EHBP1: variants seen among roughly 807,000 people sequenced by gnomAD.
The protein encoded by EHBP1 is EH domain binding protein 1.
A neutral mutation model predicts 144.0 loss-of-function variants in EHBP1; 55 were observed. That is an observed-to-expected ratio of 0.38 (90% CI 0.31 to 0.48). EHBP1 has a LOEUF of 0.48. Ranked by LOEUF, EHBP1 falls within the 20% of genes least tolerant of loss-of-function variation. EHBP1 has a pLI of 0.98. For missense variants in EHBP1, 1,200 were observed against 1,364.2 expected (o/e 0.88, Z 1.90); for synonymous variants, 469 against 472.7 (o/e 0.99, Z 0.10).
chr2:62,685,057 A>G (rs1049255153), intron 1 of EHBP1, among the ~76,000 whole-genome samples: 5 of 152,168 alleles, frequency 3.3e-5, no homozygotes, highest in African/African-American at 9.7e-5. Flanking sequence ...AGGGTAAAGA[A>G]CTGTTAGATA....
upstream of EHBP1, among the ~76,000 whole-genome samples, chr2:62,701,831 A>G (rs2034289536): frequency 6.6e-6 from 1 of 152,252 alleles, no homozygotes; most frequent in Non-Finnish European, 1.5e-5. Flanking sequence ...TAAAAATTGC[A>G]GTAATATTGT....
chr2:62,890,084 C>T (rs767088727), intron 10 of EHBP1, among the ~76,000 whole-genome samples: 7 of 151,872 alleles, frequency 4.6e-5, no homozygotes, highest in Non-Finnish European at 8.8e-5. Flanking sequence ...CCTCAGCCTC[C>T]CGAGTAGCTG....
intron 1 of EHBP1, among the ~76,000 whole-genome samples, chr2:62,683,889 C>T (rs777583615): frequency 2.0e-5 from 3 of 151,974 alleles, no homozygotes; most frequent in Non-Finnish European, 2.9e-5. Flanking sequence ...TTTTATGAAC[C>T]GAAGCTTCAG....
At chr2:62,782,225 C>T (rs367946406) in intron 5 of EHBP1, among the ~76,000 whole-genome samples, 41 of 152,230 alleles carry the variant, frequency 2.7e-4, no homozygotes, top group Middle Eastern at 6.8e-3. Flanking sequence ...TTGAGGGATA[C>T]GCGTGTGAGA....
At chr2:62,911,396 A>T (rs1012935646) in intron 10 of EHBP1, among the ~76,000 whole-genome samples, 6 of 152,176 alleles carry the variant, frequency 3.9e-5, no homozygotes, top group African/African-American at 1.4e-4. Flanking sequence ...TCTGACCAAA[A>T]TAAGGCATTA....
At chr2:62,726,384 G>A (rs749430201) in intron 2 of EHBP1, among the ~76,000 whole-genome samples, 2 of 152,166 alleles carry the variant, frequency 1.3e-5, no homozygotes, top group Non-Finnish European at 2.9e-5. Flanking sequence ...ACTGGTGTGC[G>A]GTAGGTAGCC....
At chr2:62,839,208 A>G (rs557157261) in intron 7 of EHBP1, among the ~76,000 whole-genome samples, 155 of 152,194 alleles carry the variant, frequency 1.0e-3, no homozygotes, top group Non-Finnish European at 2.0e-3. Context: ...AATAAATGTA[A>G]TCCAGCATAT....
At chr2:62,752,343 A>T (rs540763698) in intron 3 of EHBP1, among the ~76,000 whole-genome samples, 1 of 152,312 alleles carries the variant, frequency 6.6e-6, no homozygotes, top group Non-Finnish European at 1.5e-5. Flanking sequence ...CTGTGGTCTG[A>T]GAGACTGTTT....
chr2:62,780,495 G>T (rs1384241230), intron 5 of EHBP1, among the ~76,000 whole-genome samples: 3 of 152,112 alleles, frequency 2.0e-5, no homozygotes, highest in South Asian at 2.1e-4. Context: ...TTCCCTTAAT[G>T]TTAAGTATTT....
At chr2:63,037,681 C>T in intron 20 of EHBP1, 47 bp downstream of exon 20, 1 of 1,118,672 alleles carries the variant, frequency 8.9e-7, no homozygotes, top group Non-Finnish European at 1.3e-6. Context: ...ATTGATAAAT[C>T]TTAGGCCTCT....
At chr2:63,033,600 T>C (rs2061347200) in intron 19 of EHBP1, among the ~76,000 whole-genome samples, 1 of 152,164 alleles carries the variant, frequency 6.6e-6, no homozygotes, top group African/African-American at 2.4e-5. Flanking sequence ...GGTGAAAGAT[T>C]AATTAGGAAA....
rs772349202 is a variant in EHBP1, at chr2:62,948,495, A to C, written c.1649A>C (p.Tyr550Ser). ...TNSSVDQEKF[Y>S]AELSDLKREP... ...AGTTCTGTTGATCAAGAAAAATTCT[A>C]TGCAGAGCTTAGTGATCTGAAGCGG... The change falls in exon 13 of 23, where the codon TAT (tyrosine) becomes TCT (serine). Residue 550 changes from tyrosine (Y) to serine (S), a missense_variant. Coordinates refer to ENST00000431489, the MANE Select transcript of EHBP1 (RefSeq NM_001142616.3). 2 of 1,613,824 alleles carry C rather than the reference A, an allele frequency of 1.2e-6. No homozygotes were observed. Among genetic ancestry groups the C allele is most frequent in the South Asian group, 2.2e-5 (2 of 91,070 alleles).
At chr2:62,945,398 T>A (rs2057002220) in intron 12 of EHBP1, among the ~76,000 whole-genome samples, 1 of 152,232 alleles carries the variant, frequency 6.6e-6, no homozygotes, top group African/African-American at 2.4e-5. Flanking sequence ...GTTTTTAACA[T>A]ACTTTAAATT....
intron 2 of EHBP1, among the ~76,000 whole-genome samples, chr2:62,724,936 T>C (rs1180137157): frequency 1.3e-5 from 2 of 152,126 alleles, no homozygotes; most frequent in Non-Finnish European, 2.9e-5. Context: ...TGTAGAAAAA[T>C]TGTCTTCCAT....
chr2:62,727,023 C>T (rs549094946), intron 2 of EHBP1, among the ~76,000 whole-genome samples: 11 of 152,164 alleles, frequency 7.2e-5, no homozygotes, highest in African/African-American at 2.2e-4. Context: ...CCACCACGCC[C>T]GACTAATTTT....
chr2:62,967,315 A>G (rs1192950757), intron 14 of EHBP1, among the ~76,000 whole-genome samples: 1 of 152,206 alleles, frequency 6.6e-6, no homozygotes, highest in Admixed American at 6.5e-5. Flanking sequence ...ACTGAAACAC[A>G]TACGCACGAC....
intron 2 of EHBP1, among the ~76,000 whole-genome samples, chr2:62,732,290 C>T (rs2037679225): frequency 6.6e-6 from 1 of 152,186 alleles, no homozygotes; most frequent in Admixed American, 6.5e-5. Flanking sequence ...TGGGAATTCT[C>T]AGACACTGTT....
chr2:62,767,884 G>A (rs977419183), intron 4 of EHBP1, among the ~76,000 whole-genome samples: 64 of 148,356 alleles, frequency 4.3e-4, no homozygotes, highest in African/African-American at 1.5e-3. Flanking sequence ...TCAAAACCAT[G>A]CATTTACATG....
intron 9 of EHBP1, among the ~76,000 whole-genome samples, chr2:62,865,715 G>A (rs1343726703): frequency 6.6e-6 from 1 of 152,160 alleles, no homozygotes; most frequent in Non-Finnish European, 1.5e-5. Flanking sequence ...AAACAGCACA[G>A]GATAATGATC....
Sources: allele counts gnomAD v4.1 joint callset (sites outside exome capture counted in the v4.1 genomes callset), GRCh38; gene constraint gnomAD v4.1.1; transcripts MANE v1.5; gene names NCBI Gene and HGNC (gene_info 2026-07-23, HGNC 2026-07-21).